The following RIMS2 variants were observed in gnomAD, a reference collection of about 807,000 sequenced individuals.
RIMS2 encodes the protein regulating synaptic membrane exocytosis 2, also known as regulating synaptic membrane exocytosis protein 2.
A neutral mutation model predicts 174.4 loss-of-function variants in RIMS2; 59 were observed. The observed-to-expected ratio is 0.34, with a 90% CI of 0.27 to 0.42. The LOEUF (loss-of-function observed/expected upper bound fraction) is 0.42. Among genes scored for constraint, RIMS2 ranks in the 10% least tolerant of loss-of-function variants. The probability of loss-of-function intolerance (pLI) is 1.00; values close to 1 mark genes in which losing one functional copy is unlikely to be tolerated. For missense variants in RIMS2, 1,620 were observed against 1,666.3 expected (o/e 0.97, Z 0.48); for synonymous variants, 606 against 572.5 (o/e 1.06, Z -0.84).
intron 2 of RIMS2, among the ~76,000 whole-genome samples, chr8:103,747,256 C>T (rs1365128076): frequency 8.1e-6 from 1 of 124,072 alleles, no homozygotes; most frequent in African/African-American, 3.1e-5. Flanking sequence ...CCCCACCCCA[C>T]AACAGTCCCC....
chr8:103,776,584 C>T (rs1477414467), intron 3 of RIMS2, among the ~76,000 whole-genome samples: 1 of 151,622 alleles, frequency 6.6e-6, no homozygotes, highest in Non-Finnish European at 1.5e-5. Flanking sequence ...TAAAAATTTG[C>T]AATAAATATT....
rs35148115 is a variant in RIMS2, at chr8:103,573,066, AT to A, written c.176+72014del. Reference sequence around the variant, plus strand: ...CCCCTACATTTAAGTCTTCAATCCAATTTTTTTTTTCTAGATAGAGTCTCGC... The same window carrying A: ...CCCCTACATTTAAGTCTTCAATCCAATTTTTTTTTCTAGATAGAGTCTCGC... On this transcript the variant is annotated intron_variant, in intron 1 of 23. Coordinates refer to ENST00000504942, the Ensembl canonical transcript of RIMS2. Among the ~76,000 whole-genome samples the A allele has an allele frequency of 2.5e-4, 38 of 149,608 alleles. No homozygotes were observed. In the East Asian group the frequency reaches 6.8e-3, roughly 27 times the overall value.
At chr8:103,817,567 G>A (rs984134701) in intron 3 of RIMS2, among the ~76,000 whole-genome samples, 3 of 152,170 alleles carry the variant, frequency 2.0e-5, no homozygotes, top group African/African-American at 2.4e-5. Flanking sequence ...GATCACTTGC[G>A]GTCAGGAGTT....
intron 4 of RIMS2, among the ~76,000 whole-genome samples, chr8:103,907,824 C>G (rs1411859084): frequency 6.6e-6 from 1 of 151,662 alleles, no homozygotes; most frequent in Admixed American, 6.6e-5. Flanking sequence ...CGGCTCACTG[C>G]AAGTTCCGCC....
At chr8:103,942,958 A>G (rs371467745) in intron 14 of RIMS2, 32 bp downstream of exon 16, 1 of 1,558,806 alleles carries the variant, frequency 6.4e-7, no homozygotes, top group Non-Finnish European at 8.8e-7. Flanking sequence ...TCATATTTTT[A>G]TTGTATTTTC....
At chr8:103,768,074 G>A (rs2098199393) in intron 3 of RIMS2, among the ~76,000 whole-genome samples, 1 of 152,182 alleles carries the variant, frequency 6.6e-6, no homozygotes, top group Admixed American at 6.5e-5. Flanking sequence ...ATGAGGCAAT[G>A]TGGTTGGGTT....
At chr8:103,592,565 T>A (rs2094311899) in intron 1 of RIMS2, among the ~76,000 whole-genome samples, 1 of 151,268 alleles carries the variant, frequency 6.6e-6, no homozygotes, top group Non-Finnish European at 1.5e-5. Context: ...CATAGAACAG[T>A]GGTTCTCAAA....
chr8:103,529,301 T>C (rs913948912), intron 1 of RIMS2, among the ~76,000 whole-genome samples: 2 of 152,120 alleles, frequency 1.3e-5, no homozygotes, highest in African/African-American at 4.8e-5. Flanking sequence ...GGTTGCTTTG[T>C]CTACCTACTC....
chr8:104,056,702 C>T (rs544551502), intron 19 of RIMS2, among the ~76,000 whole-genome samples: 6 of 152,032 alleles, frequency 3.9e-5, no homozygotes, highest in Non-Finnish European at 7.4e-5. Context: ...GGAAACATAG[C>T]GATACCTCGT....
intron 19 of RIMS2, among the ~76,000 whole-genome samples, chr8:104,155,144 T>C (rs1057132209): frequency 1.1e-4 from 16 of 152,122 alleles, no homozygotes; most frequent in Admixed American, 9.2e-4. Context: ...TCTCGCTCTG[T>C]CTCCCAGGCT....
intron 3 of RIMS2, among the ~76,000 whole-genome samples, chr8:103,795,066 C>A (rs1256906498): frequency 6.6e-6 from 1 of 152,060 alleles, no homozygotes; most frequent in Non-Finnish European, 1.5e-5. Context: ...ACCATTTGAC[C>A]GAGCCATCCC....
intron 2 of RIMS2, among the ~76,000 whole-genome samples, chr8:103,717,175 C>A (rs1341967698): frequency 8.2e-6 from 1 of 122,592 alleles, no homozygotes; most frequent in African/African-American, 3.0e-5. Context: ...CCAGTTGGAG[C>A]CTTTTTCTTC....
At chr8:103,778,612 T>C (rs2098345732) in intron 3 of RIMS2, among the ~76,000 whole-genome samples, 1 of 152,184 alleles carries the variant, frequency 6.6e-6, no homozygotes, top group Non-Finnish European at 1.5e-5. Context: ...GGCCAAATAA[T>C]ATTCCATTCT....
intron 1 of RIMS2, among the ~76,000 whole-genome samples, chr8:103,512,440 G>A (rs1053681519): frequency 6.6e-6 from 1 of 152,024 alleles, no homozygotes; most frequent in Non-Finnish European, 1.5e-5. Flanking sequence ...GATCTCTTTG[G>A]GTCTCTACTC....
At chr8:103,593,236 T>A (rs1251708479) in intron 1 of RIMS2, among the ~76,000 whole-genome samples, 1 of 151,382 alleles carries the variant, frequency 6.6e-6, no homozygotes, top group Non-Finnish European at 1.5e-5. Context: ...ATGAGATCAG[T>A]GGTGATGTTA....
intron 2 of RIMS2, among the ~76,000 whole-genome samples, chr8:103,739,366 C>T (rs2097730197): frequency 6.6e-6 from 1 of 152,038 alleles, no homozygotes; most frequent in Admixed American, 6.6e-5. Flanking sequence ...ACATCACACA[C>T]TGGGGCCTGT....
At chr8:103,811,696 T>A (rs1268353901) in intron 3 of RIMS2, among the ~76,000 whole-genome samples, 1 of 152,212 alleles carries the variant, frequency 6.6e-6, no homozygotes, top group Non-Finnish European at 1.5e-5. Flanking sequence ...TGCACCCACC[T>A]CGGCCTCCCA....
intron 3 of RIMS2, among the ~76,000 whole-genome samples, chr8:103,814,329 C>T (rs900703410): frequency 6.9e-6 from 1 of 145,862 alleles, no homozygotes; most frequent in African/African-American, 2.6e-5. Flanking sequence ...ATGAAATAAT[C>T]TGTACAACTG....
intron 3 of RIMS2, among the ~76,000 whole-genome samples, chr8:103,789,749 C>CTTTTTTT (rs11354049): frequency 0.086 from 7,266 of 84,632 alleles, 475 homozygotes; most frequent in Non-Finnish European, 0.099. Context: ...GGATTGTACT[C>CTTTTTTT]TTTTTTTTTT....
Sources: allele counts gnomAD v4.1 joint callset (sites outside exome capture counted in the v4.1 genomes callset), GRCh38; gene constraint gnomAD v4.1.1; transcripts MANE v1.5; gene names NCBI Gene and HGNC (gene_info 2026-07-23, HGNC 2026-07-21).